Variants in STK3 observed in about 807,000 individuals in gnomAD.
STK3 encodes serine/threonine-protein kinase 3.
Under a neutral mutation model 58.0 loss-of-function variants are expected in STK3, and 41 were observed. The observed-to-expected ratio is 0.71, with a 90% CI of 0.55 to 0.92. The LOEUF is 0.92. STK3 is among the 40% of genes least tolerant of loss of function. The pLI is 0.00. For missense variants in STK3, 479 were observed against 602.7 expected, an observed-to-expected ratio of 0.79 and a Z score of 2.15; for synonymous variants, 170 against 191.0, an observed-to-expected ratio of 0.89 and a Z score of 0.91.
chr8:98,902,178 C>A (rs544430475), intron 1 of STK3, among the ~76,000 whole-genome samples: 1 of 152,276 alleles, frequency 6.6e-6, no homozygotes, highest in East Asian at 1.9e-4. Context: ...GAGCTCCTTA[C>A]GGGATGGCTT....
chr8:98,720,578 G>A (rs1827328129), intron 4 of STK3, among the ~76,000 whole-genome samples: 1 of 151,846 alleles, frequency 6.6e-6, no homozygotes, highest in Admixed American at 6.6e-5. Context: ...GTGAAACCCC[G>A]TCTCTACCAA....
At chr8:98,710,917 G>T (rs1254716408) in intron 4 of STK3, among the ~76,000 whole-genome samples, 6 of 152,166 alleles carry the variant, frequency 3.9e-5, no homozygotes. Context: ...ACCTCACACA[G>T]CCCGGTACTC....
chr8:98,835,973 G>A (rs865779030), intron 3 of STK3, among the ~76,000 whole-genome samples: 1 of 152,272 alleles, frequency 6.6e-6, no homozygotes, highest in Middle Eastern at 3.4e-3. Context: ...GGCCAAGGTG[G>A]GCAGATCACC....
the STK3 span, among the ~76,000 whole-genome samples, chr8:98,352,136 CAAAA>C: frequency 1.8e-5 from 2 of 110,454 alleles, no homozygotes; most frequent in Non-Finnish European, 1.8e-5. Flanking sequence ...GACTCTGTCT[CAAAA>C]AAAAAAAAAA....
intron 2 of STK3, among the ~76,000 whole-genome samples, chr8:98,773,078 T>G (rs1287695679): frequency 6.6e-6 from 1 of 152,216 alleles, no homozygotes; most frequent in Non-Finnish European, 1.5e-5. Context: ...TGCATAGTTA[T>G]ATAGACATAC....
chr8:98,401,201 GC>G (rs1161887286), downstream of STK3, among the ~76,000 whole-genome samples: 3 of 152,010 alleles, frequency 2.0e-5, no homozygotes, highest in Admixed American at 6.6e-5. Flanking sequence ...GAGAGAAATC[GC>G]AAGAAGCCCC....
At chr8:98,737,503 CTAAT>C (rs776539152) in intron 4 of STK3, among the ~76,000 whole-genome samples, 171 of 152,172 alleles carry the variant, frequency 1.1e-3, no homozygotes, top group Non-Finnish European at 1.4e-3. Flanking sequence ...AAGCAAATGA[CTAAT>C]TAGTAAAATC....
intron 6 of STK3, among the ~76,000 whole-genome samples, chr8:98,650,799 C>A (rs1820843809): frequency 6.6e-6 from 1 of 152,222 alleles, no homozygotes; most frequent in Admixed American, 6.5e-5. Flanking sequence ...GGGCGCCTGC[C>A]ATTGCCCAGG....
intron 1 of STK3, among the ~76,000 whole-genome samples, chr8:98,792,253 T>C (rs552874249): frequency 6.6e-6 from 1 of 152,260 alleles, no homozygotes; most frequent in African/African-American, 2.4e-5. Context: ...AAAACCAAAA[T>C]GCGATTCCAC....
intron 8 of STK3, among the ~76,000 whole-genome samples, chr8:98,559,047 C>A (rs887750365): frequency 6.6e-6 from 1 of 152,058 alleles, no homozygotes; most frequent in Non-Finnish European, 1.5e-5. Context: ...TCCCCCACAA[C>A]CCAAATATTT....
chr8:98,941,611 G>A (rs1476277411), intron 1 of STK3, among the ~76,000 whole-genome samples: 1 of 152,258 alleles, frequency 6.6e-6, no homozygotes, highest in African/African-American at 2.4e-5. Flanking sequence ...TCAACTCCAG[G>A]GAAGTCTGTG....
At chr8:98,477,708 GGGGGGGGGTGGGC>G (rs1281418902) in intron 10 of STK3, among the ~76,000 whole-genome samples, 4 of 78,994 alleles carry the variant, frequency 5.1e-5, no homozygotes, top group Non-Finnish European at 8.1e-5. Context: ...TTGGCGGGGG[GGGGGGGGGTGGGC>G]GGGGGGGGGC....
chr8:98,818,934 C>T (rs2131720671), intron 1 of STK3, among the ~76,000 whole-genome samples: 1 of 152,300 alleles, frequency 6.6e-6, no homozygotes, highest in South Asian at 2.1e-4. Context: ...GATTCTCCTG[C>T]CTCAGCCTCC....
intron 1 of STK3, among the ~76,000 whole-genome samples, chr8:98,900,993 A>G (rs1055348218): frequency 1.3e-5 from 2 of 152,200 alleles, no homozygotes; most frequent in Non-Finnish European, 2.9e-5. Context: ...TTCACTTAGC[A>G]TTATCATAAA....
the STK3 span, among the ~76,000 whole-genome samples, chr8:98,349,372 C>T: frequency 1.6e-4 from 24 of 152,230 alleles, no homozygotes; most frequent in Admixed American, 1.5e-3. Context: ...GGCAGCTCTG[C>T]CCCTGTGGCT....
chr8:98,927,833 G>A lies in STK3; in HGVS notation c.-79+14545C>T, dbSNP rs143730572. Among the ~76,000 whole-genome samples the A allele has an allele frequency of 5.0e-3, 768 of 152,302 alleles. 5 individuals are homozygous for A. The highest frequency in any genetic ancestry group is 0.017 in the African/African-American group (708 of 41,552). ...GGCCACAGAGTGGGAGCTGTCTGCAGTAGAAGAGAATGAGGCCATATATTA... is the reference window on the plus strand; with the variant it reads ...GGCCACAGAGTGGGAGCTGTCTGCAATAGAAGAGAATGAGGCCATATATTA... On this transcript the variant is annotated intron_variant, in intron 1 of 1. Coordinates refer to the STK3 transcript ENST00000519420.
At chr8:98,568,184 C>T (rs1812663265) in intron 8 of STK3, among the ~76,000 whole-genome samples, 1 of 151,986 alleles carries the variant, frequency 6.6e-6, no homozygotes, top group African/African-American at 2.4e-5. Context: ...CAGGAGCTCC[C>T]ATCAAAATGG....
intron 4 of STK3, among the ~76,000 whole-genome samples, chr8:98,740,025 C>T (rs1030230059): frequency 3.3e-5 from 5 of 151,834 alleles, no homozygotes; most frequent in African/African-American, 4.8e-5. Flanking sequence ...TGAAATGAAG[C>T]GAGAAGGGAA....
At chr8:98,716,370 A>AAT (rs1165547847) in intron 4 of STK3, among the ~76,000 whole-genome samples, 1 of 152,142 alleles carries the variant, frequency 6.6e-6, no homozygotes, top group East Asian at 1.9e-4. Flanking sequence ...ATACATTACC[A>AAT]ATGAGCAATC....
Sources: gnomAD v4.1 joint callset for allele counts (sites outside exome capture counted in the v4.1 genomes callset) on GRCh38, gnomAD v4.1.1 for gene constraint, MANE v1.5 for transcripts, NCBI Gene and HGNC (gene_info 2026-07-23, HGNC 2026-07-21) for gene names.